The following TADA2A variants were observed in gnomAD, a reference collection of about 807,000 sequenced individuals.
TADA2A encodes the protein transcriptional adapter 2-alpha.
A neutral mutation model predicts 67.4 loss-of-function variants in TADA2A; 38 were observed. The ratio of observed to expected loss-of-function variants is 0.56; its 90% CI spans 0.44 to 0.74. The LOEUF is 0.74. Among genes scored for constraint, TADA2A ranks in the 30% least tolerant of loss-of-function variants. The probability of loss-of-function intolerance (pLI) is 0.00; values close to 1 mark genes in which losing one functional copy is unlikely to be tolerated. For missense variants in TADA2A, 454 were observed against 547.0 expected, an observed-to-expected ratio of 0.83 and a Z score of 1.70; for synonymous variants, 192 against 181.6, an observed-to-expected ratio of 1.06 and a Z score of -0.46.
At chr17:37,416,871 G>C (rs1568130838) in intron 2 of TADA2A, among the ~76,000 whole-genome samples, 2 of 148,430 alleles carry the variant, frequency 1.3e-5, no homozygotes, top group African/African-American at 5.0e-5. Context: ...CAGAACGAGA[G>C]TCCGCCTCAA....
At chr17:37,424,306 T>C (rs916173050) in intron 3 of TADA2A, among the ~76,000 whole-genome samples, 67 of 150,908 alleles carry the variant, frequency 4.4e-4, no homozygotes, top group Non-Finnish European at 7.8e-4. Context: ...TAGCTGGGCA[T>C]GATGGCGGGT....
chr17:37,425,974 A>G (rs1191291585), intron 3 of TADA2A, among the ~76,000 whole-genome samples: 1 of 151,764 alleles, frequency 6.6e-6, no homozygotes, highest in Non-Finnish European at 1.5e-5. Flanking sequence ...CTTTAAAAAA[A>G]AATAAAGAAT....
chr17:37,446,098 G>T (rs1259865358), intron 8 of TADA2A, among the ~76,000 whole-genome samples: 736 of 66,044 alleles, frequency 0.011, 4 homozygotes, highest in African/African-American at 0.034. Flanking sequence ...TTTTTTTTTG[G>T]GGGGGTTTTT....
chr17:37,438,655 G>C (rs941522537), intron 5 of TADA2A, among the ~76,000 whole-genome samples: 6 of 152,108 alleles, frequency 3.9e-5, no homozygotes, highest in Non-Finnish European at 5.9e-5. Context: ...TTCACATTTT[G>C]CTTGTATTCA....
chr17:37,453,547 A>G (rs2053288697), intron 8 of TADA2A, among the ~76,000 whole-genome samples: 1 of 152,184 alleles, frequency 6.6e-6, no homozygotes, highest in Admixed American at 6.6e-5. Flanking sequence ...TATCTGTTCC[A>G]AATAAGATTT....
At chr17:37,470,056 GAAA>G (rs1423387961) in intron 12 of TADA2A, among the ~76,000 whole-genome samples, 1 of 152,054 alleles carries the variant, frequency 6.6e-6, no homozygotes, top group East Asian at 1.9e-4. Context: ...TATAAAAATA[GAAA>G]AAACAGGAAG....
chr17:37,408,955 CTAAAGA>C (rs1205277262), intron 1 of TADA2A, among the ~76,000 whole-genome samples: 3 of 152,314 alleles, frequency 2.0e-5, no homozygotes, highest in African/African-American at 7.2e-5. Context: ...TTCAGAAAAG[CTAAAGA>C]TAAATTAACC....
Position 37,439,502 on chromosome 17 carries a change from C to G in TADA2A, c.285-1003C>G, listed in dbSNP as rs570335893. Among the ~76,000 whole-genome samples, 4 of 152,128 alleles carry G rather than the reference C, an allele frequency of 2.6e-5. No individual in the cohort carries two copies. The East Asian group carries it at 7.7e-4, about 29-fold the overall frequency. ...TTTACTGTGTTGCCCAGGCTGGTCT[C>G]GAACTCCTGAGTTCAAGCCATCCTC... On this transcript the variant is annotated intron_variant, in intron 5 of 15. Transcript: ENST00000615182.
chr17:37,414,359 TTTTTTTTTC>T (rs966933709), intron 2 of TADA2A, among the ~76,000 whole-genome samples: 1 of 151,400 alleles, frequency 6.6e-6, no homozygotes, highest in African/African-American at 2.4e-5. Flanking sequence ...CTCTCATCAT[TTTTTTTTTC>T]TTTTTAGCAT....
Position 37,462,117 on chromosome 17 carries a change from T to A in TADA2A, c.708T>A (p.Phe236Leu). 1 of 1,553,710 alleles carries A rather than the reference T, an allele frequency of 6.4e-7. No individual in the cohort carries two copies. Among genetic ancestry groups the A allele is most frequent in the Non-Finnish European group, 8.8e-7 (1 of 1,135,746 alleles). ...RDHGLINLRKFQLMERRYPKE... is the reference protein window; with the variant it reads ...RDHGLINLRKLQLMERRYPKE... ...ATGGATTAATCAACCTTAGAAAGTT[T>A]CAATGTAAGTATTAGCAGTTTTCTT... is the stretch of plus-strand genomic sequence containing the variant. The change falls in exon 10 of 16, where the codon TTT (phenylalanine) becomes TTA (leucine). Residue 236 changes from phenylalanine to leucine, a missense_variant. Phe to Leu is a conservative substitution (Grantham distance 22). Around this residue, in one of 2 missense-constraint regions of TADA2A, gnomAD observed 403 missense variants for 455.5 expected, o/e 0.88. Transcript: ENST00000615182.
At chr17:37,418,279 C>T (rs1419155298) in intron 2 of TADA2A, among the ~76,000 whole-genome samples, 1 of 152,026 alleles carries the variant, frequency 6.6e-6, no homozygotes, top group African/African-American at 2.4e-5. Flanking sequence ...TTGAAAGTTG[C>T]ACAGGACACA....
At chr17:37,466,801 T>C (rs1257433189) in intron 11 of TADA2A, among the ~76,000 whole-genome samples, 2 of 152,180 alleles carry the variant, frequency 1.3e-5, no homozygotes, top group East Asian at 3.8e-4. Context: ...GCAGCCAAAT[T>C]AGAATGATTT....
intron 3 of TADA2A, among the ~76,000 whole-genome samples, chr17:37,425,538 A>G (rs945870473): frequency 1.3e-5 from 2 of 152,222 alleles, no homozygotes; most frequent in Non-Finnish European, 2.9e-5. Flanking sequence ...TATCAGATCT[A>G]AGACACCATT....
intron 8 of TADA2A, among the ~76,000 whole-genome samples, chr17:37,445,262 A>G (rs1047252029): frequency 2.0e-5 from 3 of 152,052 alleles, no homozygotes; most frequent in African/African-American, 7.2e-5. Flanking sequence ...ACACTGCTGG[A>G]TTCTTTTTTA....
chr17:37,412,425 G>A (rs539007289), intron 2 of TADA2A, among the ~76,000 whole-genome samples: 2 of 151,964 alleles, frequency 1.3e-5, no homozygotes, highest in African/African-American at 4.8e-5. Flanking sequence ...AGTAAACCAC[G>A]GTAGAATAAT....
chr17:37,455,340 G>GT (rs35607465), intron 8 of TADA2A, among the ~76,000 whole-genome samples: 32,000 of 148,724 alleles, frequency 0.22, 3,749 homozygotes, highest in Middle Eastern at 0.35. Flanking sequence ...ACCTGTGGGA[G>GT]TTTTTTGCTT....
chr17:37,426,734 C>T (rs554250266), intron 3 of TADA2A: 141 of 346,552 alleles, frequency 4.1e-4, no homozygotes, highest in African/African-American at 3.0e-3. Flanking sequence ...AATCTTAGCA[C>T]TTTGGGAGAC....
chr17:37,420,932 G>A (rs1429020617), intron 2 of TADA2A, among the ~76,000 whole-genome samples: 1 of 146,760 alleles, frequency 6.8e-6, no homozygotes, highest in Non-Finnish European at 1.5e-5. Context: ...TCCAGAGGCC[G>A]AATTTGGGGC....
chr17:37,423,557 T>C lies in TADA2A; in HGVS notation c.74T>C (p.Met25Thr). 1 of 1,613,626 alleles carries C rather than the reference T, an allele frequency of 6.2e-7. No individual in the cohort carries two copies. Among genetic ancestry groups the C allele is most frequent in the Non-Finnish European group, 8.5e-7 (1 of 1,179,930 alleles). ...PPCRGCSSYLMEPYIKCAECG... is the reference protein window; with the variant it reads ...PPCRGCSSYLTEPYIKCAECG... The stretch of plus-strand genomic sequence containing the variant: ...TGCCGAGGCTGCTCCTCCTACCTCA[T>C]GGAGCCTTATATCAAGTGTGCTGAA... The change falls in exon 3 of 16, where the codon ATG becomes ACG. Residue 25 changes from methionine to threonine, a missense_variant. Transcript: ENST00000615182.
Sources: gnomAD v4.1 joint callset for allele counts (sites outside exome capture counted in the v4.1 genomes callset) on GRCh38, gnomAD v4.1.1 for gene constraint, gnomAD v4.1.1 regional missense constraint, MANE v1.5 for transcripts, NCBI Gene and HGNC (gene_info 2026-07-23, HGNC 2026-07-21) for gene names.